The following TUBB3 variants were observed in gnomAD, a reference collection of about 807,000 sequenced individuals.
The protein encoded by TUBB3 is tubulin beta 3 class III.
TUBB3 carries 17 observed loss-of-function variants against 37.8 expected under a neutral mutation model. The observed-to-expected ratio is 0.45, with a 90% CI of 0.31 to 0.67. The LOEUF (loss-of-function observed/expected upper bound fraction) is 0.67. Among genes scored for constraint, TUBB3 ranks in the 30% least tolerant of loss-of-function variants. The pLI is 0.07. For missense variants in TUBB3, 262 were observed against 657.9 expected, an observed-to-expected ratio of 0.40 and a Z score of 6.58; for synonymous variants, 332 against 278.9, an observed-to-expected ratio of 1.19 and a Z score of -1.90.
chr16:89,923,238 C>A (rs993881737), upstream of TUBB3: 17 of 324,470 alleles, frequency 5.2e-5, no homozygotes, highest in African/African-American at 3.5e-4. Context: ...GCGGGCCGGG[C>A]GGGGCTCTGC....
intron 3 of TUBB3, 119 bp from the exon 4 acceptor site, chr16:89,934,610 C>T (rs1597424509): frequency 2.0e-6 from 2 of 1,019,324 alleles, no homozygotes; most frequent in Middle Eastern, 4.2e-4. Flanking sequence ...GCCTACTTTA[C>T]AGAAGACAGA....
chr16:89,923,489 C>T (rs1256843474), intron 1 of TUBB3, 31 bp downstream of exon 1: 2 of 1,417,600 alleles, frequency 1.4e-6, no homozygotes, highest in Admixed American at 2.6e-5. Context: ...CTGTCCCGGG[C>T]CCCGGGGCGG....
At chr16:89,924,088 G>T (rs2029983251) in intron 1 of TUBB3, among the ~76,000 whole-genome samples, 1 of 152,222 alleles carries the variant, frequency 6.6e-6, no homozygotes, top group South Asian at 2.1e-4. Flanking sequence ...ACCCCCGCGG[G>T]GCTTGACCGC....
At chr16:89,933,391 G>A in intron 2 of TUBB3, 77 bp from the exon 3 acceptor site, 2 of 1,192,872 alleles carry the variant, frequency 1.7e-6, no homozygotes, top group South Asian at 1.2e-5. Flanking sequence ...TGGCAGGCGG[G>A]CACAGAATTC....
intron 1 of TUBB3, among the ~76,000 whole-genome samples, chr16:89,925,097 A>G (rs979763501): frequency 2.0e-5 from 3 of 152,082 alleles, no homozygotes. Context: ...CTTGTCAGGC[A>G]AGAGCTGGGA....
At position 89,931,888 on chromosome 16, in the gene TUBB3, C is replaced by G. The variant is rs1373688356; in HGVS notation, c.58-683C>G. Reference sequence around the variant, plus strand: ...GGTGGCAGGTAGAGAGAGGACGACCCCTGGGAGCTGAGACGATGCCAGCCT... The same window carrying G: ...GGTGGCAGGTAGAGAGAGGACGACCGCTGGGAGCTGAGACGATGCCAGCCT... On this transcript the variant is annotated intron_variant, in intron 1 of 3. Coordinates refer to ENST00000315491, the MANE Select transcript of TUBB3 (RefSeq NM_006086.4). 5.2e-5 allele frequency: 21 copies of G among 400,742 alleles called. No homozygotes were observed. In the East Asian group the frequency reaches 1.5e-3, roughly 28 times the overall value. The allele number at this position is 400,742 out of a possible 1,614,324, so 24.8% of individuals were successfully genotyped here.
At chr16:89,926,431 C>G (rs975984349) in intron 1 of TUBB3, among the ~76,000 whole-genome samples, 1 of 152,272 alleles carries the variant, frequency 6.6e-6, no homozygotes, top group East Asian at 1.9e-4. Flanking sequence ...CGGGGACCCC[C>G]GCTCCCACCT....
At position 89,934,838 on chromosome 16, in the gene TUBB3, C is replaced by T. The variant is rs746393721; in HGVS notation, c.387C>T (p.Cys129=). ...GGAAGGAGTGTGAAAACTGCGACTG[C>T]CTGCAGGGCTTCCAGCTGACCCACT... The part of the protein sequence containing the change: ...VVRKECENCD[C]LQGFQLTHSL... The change falls in exon 4 of 4, where the codon TGC becomes TGT. Residue 129 remains cysteine, a synonymous_variant. Coordinates refer to ENST00000315491, the MANE Select transcript of TUBB3 (RefSeq NM_006086.4). 3 of 1,614,172 alleles carry T rather than the reference C, an allele frequency of 1.9e-6. No homozygotes were observed. Among genetic ancestry groups the T allele is most frequent in the East Asian group, 4.5e-5 (2 of 44,878 alleles).
At position 89,935,652 on chromosome 16, in the gene TUBB3, G is replaced by A. The variant is rs1482084615; in HGVS notation, c.1201G>A (p.Glu401Lys). Reference protein sequence around the residue: ...RKAFLHWYTGEGMDEMEFTEA... With the variant: ...RKAFLHWYTGKGMDEMEFTEA... ...GGCCTTCCTGCACTGGTACACGGGC[G>A]AGGGCATGGACGAGATGGAGTTCAC... The change falls in exon 4 of 4, where the codon GAG becomes AAG. Residue 401 changes from glutamate (E) to lysine (K), a missense_variant. Around this residue, in one of 3 missense-constraint regions of TUBB3, gnomAD observed 165 missense variants for 556.8 expected, o/e 0.30. Coordinates refer to ENST00000315491, the MANE Select transcript of TUBB3 (RefSeq NM_006086.4). 1 of 1,613,764 alleles carries A rather than the reference G, an allele frequency of 6.2e-7. No individual in the cohort carries two copies. The highest frequency in any genetic ancestry group is 8.5e-7 in the Non-Finnish European group (1 of 1,179,894).
Position 89,935,119 on chromosome 16 carries a change from G to A in TUBB3, c.668G>A (p.Gly223Glu). ...CTCAAGCTGGCCACGCCCACCTACG[G>A]GGACCTCAACCACCTGGTATCGGCC... ...RTLKLATPTY[G>E]DLNHLVSATM... Residue 223 changes from glycine (G) to glutamate (E), a missense_variant, in exon 4 of 4, where the codon GGG becomes GAG. Around this residue, in one of 3 missense-constraint regions of TUBB3, gnomAD observed 165 missense variants for 556.8 expected, o/e 0.30. Transcript: ENST00000315491. 6.2e-7 allele frequency: 1 copy of A among 1,614,124 alleles called. No individual in the cohort carries two copies. The highest frequency in any genetic ancestry group is 8.5e-7 in the Non-Finnish European group (1 of 1,180,016).
At chr16:89,934,224 G>T (rs964744209) in intron 3 of TUBB3, 1 of 419,818 alleles carries the variant, frequency 2.4e-6, no homozygotes, top group African/African-American at 2.0e-5. Flanking sequence ...GTGTCCTGGG[G>T]CGGGGCCGTG....
chr16:89,934,168 T>C (rs775929424), intron 3 of TUBB3: 47 of 204,488 alleles, frequency 2.3e-4, no homozygotes, highest in East Asian at 4.6e-4. Flanking sequence ...CACGTTCCCA[T>C]GCCTGTGTCC....
chr16:89,923,921 C>T (rs2029975359), intron 1 of TUBB3, among the ~76,000 whole-genome samples: 1 of 152,180 alleles, frequency 6.6e-6, no homozygotes, highest in Admixed American at 6.5e-5. Flanking sequence ...GCCGAACGTC[C>T]CCCGAGAGGC....
chr16:89,929,064 G>T (rs914326458), intron 1 of TUBB3, among the ~76,000 whole-genome samples: 3 of 151,292 alleles, frequency 2.0e-5, no homozygotes, highest in Non-Finnish European at 2.9e-5. Flanking sequence ...CTGGGTTCAA[G>T]CGATTCTCGT....
rs779670282 is a variant in TUBB3, at chr16:89,935,848, G to A, written c.*44G>A. On this transcript the variant is annotated 3_prime_UTR_variant, in exon 4 of 4. Transcript: ENST00000315491. Reference sequence around the variant, plus strand: ...TGAGAGGCAGGTGGCGGCCGGGGCCGAAGCCAGCAGTGTCTAAACCCCCGG... The same window carrying A: ...TGAGAGGCAGGTGGCGGCCGGGGCCAAAGCCAGCAGTGTCTAAACCCCCGG... 1.5e-5 allele frequency: 24 copies of A among 1,581,800 alleles called. No homozygotes were observed. The highest frequency in any genetic ancestry group is 1.0e-4 in the South Asian group (9 of 87,974).
chr16:89,922,202 CACACACAGCCCTGT>C (rs1442741764), upstream of TUBB3: 1 of 152,398 alleles, frequency 6.6e-6, no homozygotes, highest in Non-Finnish European at 1.5e-5. Flanking sequence ...CCACGCCACC[CACACACAGCCCTGT>C]GCACACAGAC....
chr16:89,934,208 ATG>A, intron 3 of TUBB3: 2 of 381,810 alleles, frequency 5.2e-6, no homozygotes, highest in African/African-American at 4.5e-5. Context: ...CCACGTTCCC[ATG>A]CCTGTGTCCT....
At chr16:89,930,675 A>C (rs2030250760) in intron 1 of TUBB3, among the ~76,000 whole-genome samples, 2 of 151,972 alleles carry the variant, frequency 1.3e-5, no homozygotes. Flanking sequence ...TTGGTATTAC[A>C]GGCGTGAGCC....
At chr16:89,923,971 T>C (rs1197928062) in intron 1 of TUBB3, among the ~76,000 whole-genome samples, 1 of 151,298 alleles carries the variant, frequency 6.6e-6, no homozygotes, top group Non-Finnish European at 1.5e-5. Context: ...CCGACACCCC[T>C]CGGCGTCCTA....
Sources: allele counts gnomAD v4.1 joint callset (sites outside exome capture counted in the v4.1 genomes callset), GRCh38; gene constraint gnomAD v4.1.1; regional missense constraint gnomAD v4.1.1; transcripts MANE v1.5; gene names NCBI Gene and HGNC (gene_info 2026-07-23, HGNC 2026-07-21).